The following FHIT variants were observed in gnomAD, a reference collection of about 807,000 sequenced individuals.
FHIT encodes fragile histidine triad diadenosine triphosphatase, also known as bis(5'-adenosyl)-triphosphatase.
In FHIT, 19 loss-of-function variants were observed where a neutral mutation model predicts 17.9. The observed-to-expected ratio is 1.06, with a 90% CI of 0.74 to 1.56. FHIT has a LOEUF of 1.56. FHIT is among the 40% of genes most tolerant of loss of function. The probability of loss-of-function intolerance (pLI) is 0.00; values close to 1 mark genes in which losing one functional copy is unlikely to be tolerated. For missense variants in FHIT, 248 were observed against 189.2 expected, an observed-to-expected ratio of 1.31 and a Z score of -1.82; for synonymous variants, 81 against 69.7, an observed-to-expected ratio of 1.16 and a Z score of -0.81.
chr3:59,887,260 G>C lies in FHIT; in HGVS notation c.348+35086C>G, dbSNP rs116061765. ...ACGAACCAGAGCAAGAACAGTAGCAGTGGAATCTTTCCCATGGCCCATCTC... is the reference window on the plus strand; with the variant it reads ...ACGAACCAGAGCAAGAACAGTAGCACTGGAATCTTTCCCATGGCCCATCTC... On this transcript the variant is annotated intron_variant, in intron 8 of 9. Transcript: ENST00000492590. 5.4e-3 allele frequency among the ~76,000 whole-genome samples: 829 copies of C among 152,296 alleles called. 6 individuals carry two copies. The highest frequency in any genetic ancestry group is 0.011 in the African/African-American group (462 of 41,562).
chr3:60,585,011 C>CA (rs1282742233), intron 4 of FHIT, among the ~76,000 whole-genome samples: 1 of 151,950 alleles, frequency 6.6e-6, no homozygotes, highest in Non-Finnish European at 1.5e-5. Context: ...AGTTTTGCAT[C>CA]ACTTCAGGCA....
At chr3:60,127,746 G>A (rs561870777) in intron 5 of FHIT, among the ~76,000 whole-genome samples, 57 of 152,070 alleles carry the variant, frequency 3.7e-4, no homozygotes, top group African/African-American at 1.3e-3. Context: ...CACTATTGGC[G>A]TGCTCCTCCA....
chr3:60,925,626 T>C (rs949489521), intron 3 of FHIT, among the ~76,000 whole-genome samples: 2 of 152,148 alleles, frequency 1.3e-5, no homozygotes, highest in African/African-American at 4.8e-5. Context: ...GTAAAGCCCA[T>C]CGAGGCTAGG....
intron 5 of FHIT, among the ~76,000 whole-genome samples, chr3:60,106,223 G>A (rs541331749): frequency 5.0e-4 from 76 of 152,296 alleles, no homozygotes; most frequent in African/African-American, 1.8e-3. Context: ...CCCCACAGAA[G>A]AGTAGTGATG....
rs1484605099 is a variant in FHIT at position 59,952,282 on chromosome 3, C to G, written c.280-29868G>C. On this transcript the variant is annotated intron_variant, in intron 7 of 9. Coordinates refer to ENST00000492590, the MANE Select transcript of FHIT (RefSeq NM_002012.4). ...CCTGCCGAGTTTGTCTATAAGACCA[C>G]CCACACTGTGCATTAAGTTCACCAG... Among the ~76,000 whole-genome samples the G allele has an allele frequency of 4.6e-5, 7 of 152,298 alleles. No individual in the cohort carries two copies. The South Asian group carries it at 1.0e-3, about 23-fold the overall frequency.
intron 5 of FHIT, among the ~76,000 whole-genome samples, chr3:60,309,304 G>T (rs1039322210): frequency 6.6e-6 from 1 of 151,966 alleles, no homozygotes; most frequent in African/African-American, 2.4e-5. Context: ...GGGTGGGGAT[G>T]GTTAGAGGCT....
chr3:60,419,629 G>A (rs1240292514), intron 5 of FHIT, among the ~76,000 whole-genome samples: 1 of 152,136 alleles, frequency 6.6e-6, no homozygotes, highest in Non-Finnish European at 1.5e-5. Context: ...TAGCACATGT[G>A]TGGTGTGTAT....
intron 5 of FHIT, among the ~76,000 whole-genome samples, chr3:60,426,632 A>G (rs985554855): frequency 2.0e-5 from 3 of 151,804 alleles, no homozygotes; most frequent in Admixed American, 2.0e-4. Context: ...TCTAAATCCA[A>G]CTCCCATTTC....
intron 4 of FHIT, among the ~76,000 whole-genome samples, chr3:60,540,727 G>C (rs2036159448): frequency 6.6e-6 from 1 of 152,102 alleles, no homozygotes; most frequent in Non-Finnish European, 1.5e-5. Flanking sequence ...TATTCTCAAT[G>C]ACACAGAAGA....
Position 60,702,988 on chromosome 3 carries a change from G to C in FHIT, c.-18+118931C>G, listed in dbSNP as rs368618088. 5.4e-4 allele frequency among the ~76,000 whole-genome samples: 82 copies of C among 152,180 alleles called. 2 individuals carry two copies. In the South Asian group the frequency reaches 0.017, roughly 31 times the overall value. ...TGAATACAGTCCTCCATAATTTATA[G>C]TCATGTGGAATCTCAAGTGACTTTA... On this transcript the variant is annotated intron_variant, in intron 4 of 9. Transcript: ENST00000492590.
At chr3:60,910,148 G>A (rs1343006630) in intron 3 of FHIT, among the ~76,000 whole-genome samples, 1 of 152,168 alleles carries the variant, frequency 6.6e-6, no homozygotes, top group Non-Finnish European at 1.5e-5. Flanking sequence ...GCCAGAGATA[G>A]GAATGTGACT....
intron 8 of FHIT, among the ~76,000 whole-genome samples, chr3:59,764,888 A>T (rs1454758745): frequency 2.6e-5 from 1 of 37,842 alleles, no homozygotes; most frequent in Admixed American, 2.3e-4. Context: ...ACACACACAC[A>T]CACACACACA....
chr3:61,186,062 T>A (rs992674790), intron 2 of FHIT, among the ~76,000 whole-genome samples: 13 of 152,226 alleles, frequency 8.5e-5, no homozygotes, highest in Non-Finnish European at 1.0e-4. Flanking sequence ...TACATCATAT[T>A]TCACATTCAA....
Position 59,752,327 on chromosome 3 carries a change from G to C in FHIT, c.349-6C>G, listed in dbSNP as rs1559571089. 1.2e-6 allele frequency: 2 copies of C among 1,600,436 alleles called. No homozygotes were observed. Among genetic ancestry groups the C allele is most frequent in the East Asian group, 2.2e-5 (1 of 44,588 alleles). On this transcript the variant is annotated splice_polypyrimidine_tract_variant and splice_region_variant and intron_variant, in intron 8 of 9. Coordinates refer to ENST00000492590, the MANE Select transcript of FHIT (RefSeq NM_002012.4). ...TCCTTGTCATGTTTCTGGAGCTTTG[G>C]AGAAAAAAAAAGGAAGAGGCTCTTT... is the stretch of plus-strand genomic sequence containing the variant.
At chr3:60,478,317 C>A (rs187196599) in intron 5 of FHIT, among the ~76,000 whole-genome samples, 131 of 152,252 alleles carry the variant, frequency 8.6e-4, no homozygotes, top group Middle Eastern at 6.8e-3. Flanking sequence ...GTTAACTAAC[C>A]TGGGTCTTTT....
intron 5 of FHIT, among the ~76,000 whole-genome samples, chr3:60,209,244 G>A (rs150660655): frequency 1.1e-3 from 161 of 152,208 alleles, no homozygotes; most frequent in African/African-American, 3.8e-3. Flanking sequence ...GGTTTATTTA[G>A]TTTAGTATAA....
chr3:60,454,069 C>T (rs921263138), intron 5 of FHIT, among the ~76,000 whole-genome samples: 1 of 152,072 alleles, frequency 6.6e-6, no homozygotes, highest in African/African-American at 2.4e-5. Flanking sequence ...AAACCAGAAC[C>T]CTAGCCATGC....
In FHIT at chr3:59,999,972, A is replaced by G. The variant is rs577823296; in HGVS notation, c.279+11399T>C. ...CAAGTCTGGTTAATTCAACAATCCA[A>G]TAATGTCACCTAGTGTCCAGCTTCT... is the stretch of plus-strand genomic sequence containing the variant. On this transcript the variant is annotated intron_variant, in intron 7 of 9. Transcript: ENST00000492590. 6.6e-5 allele frequency among the ~76,000 whole-genome samples: 10 copies of G among 152,276 alleles called. No individual in the cohort carries two copies. In the East Asian group the frequency reaches 9.7e-4, roughly 15 times the overall value.
intron 8 of FHIT, among the ~76,000 whole-genome samples, chr3:59,779,221 G>A (rs1164696239): frequency 6.6e-6 from 1 of 152,164 alleles, no homozygotes; most frequent in Non-Finnish European, 1.5e-5. Flanking sequence ...CCATCATTAG[G>A]TGCCACTCAG....
Sources: allele counts gnomAD v4.1 joint callset (sites outside exome capture counted in the v4.1 genomes callset), GRCh38; gene constraint gnomAD v4.1.1; transcripts MANE v1.5; gene names NCBI Gene and HGNC (gene_info 2026-07-23, HGNC 2026-07-21).